The following XPR1 variants were observed in gnomAD, a reference collection of about 807,000 sequenced individuals.
XPR1 encodes the protein solute carrier family 53 member 1.
In XPR1, 28 loss-of-function variants were observed where a neutral mutation model predicts 87.5. That is an observed-to-expected ratio of 0.32 (90% confidence interval 0.24 to 0.44). The LOEUF (loss-of-function observed/expected upper bound fraction) is 0.44, where lower values mean the gene tolerates loss of function less well. XPR1 is among the 20% of genes least tolerant of loss of function. The pLI, the probability that XPR1 is intolerant of heterozygous loss-of-function variation, is 1.00. For synonymous variants in XPR1, 300 were observed against 306.1 expected (o/e 0.98, Z 0.21); for missense variants, 559 against 862.3 (o/e 0.65, Z 4.41).
At position 180,780,767 on chromosome 1, in the gene XPR1, CA is replaced by C. The variant is rs756960289; in HGVS notation, c.122-6971del. Among the ~76,000 whole-genome samples the C allele has an allele frequency of 3.9e-3, 410 of 105,958 alleles. 1 individual carries two copies. Among genetic ancestry groups the C allele is most frequent in the Middle Eastern group, 5.6e-3 (1 of 180 alleles). 69.5% of individuals were successfully genotyped at this position (105,958 alleles called of 152,430 possible). ...TGGGCAACAGAGCAAGACTCTGTCTCAAAAAAAAAAAAAAAGAGATGCAAGA... is the reference window on the plus strand; with the variant it reads ...TGGGCAACAGAGCAAGACTCTGTCTCAAAAAAAAAAAAAAGAGATGCAAGA... On this transcript the variant is annotated intron_variant, in intron 2 of 14. Transcript: ENST00000367590.
chr1:180,644,713 G>C (rs1655057216), intron 1 of XPR1, among the ~76,000 whole-genome samples: 1 of 152,042 alleles, frequency 6.6e-6, no homozygotes, highest in African/African-American at 2.4e-5. Context: ...CCAGGGACCG[G>C]TTTTGTGGAA....
chr1:180,644,525 A>G (rs1362040366), intron 1 of XPR1, among the ~76,000 whole-genome samples: 1 of 151,756 alleles, frequency 6.6e-6, no homozygotes, highest in Non-Finnish European at 1.5e-5. Flanking sequence ...TTGGATTCCA[A>G]CAGACTAATT....
chr1:180,672,887 CA>C (rs1406620578), intron 1 of XPR1, among the ~76,000 whole-genome samples: 6 of 152,116 alleles, frequency 3.9e-5, no homozygotes, highest in African/African-American at 1.4e-4. Flanking sequence ...ACATTATTAA[CA>C]GGGGTTATGA....
chr1:180,719,018 T>G (rs1464456315), intron 2 of XPR1, among the ~76,000 whole-genome samples: 2 of 152,220 alleles, frequency 1.3e-5, no homozygotes, highest in African/African-American at 4.8e-5. Flanking sequence ...CAGCAAAGTT[T>G]GTGAATTAGA....
intron 1 of XPR1, among the ~76,000 whole-genome samples, chr1:180,675,788 T>G (rs147440962): frequency 3.3e-5 from 5 of 152,316 alleles, no homozygotes; most frequent in African/African-American, 1.2e-4. Context: ...TCTGGGTGAC[T>G]CATAGACAAA....
intron 6 of XPR1, among the ~76,000 whole-genome samples, chr1:180,809,125 AAATT>A (rs1382044893): frequency 1.3e-5 from 2 of 152,190 alleles, no homozygotes; most frequent in Non-Finnish European, 1.5e-5. Flanking sequence ...GATAAACCTC[AAATT>A]AATTATGTGG....
intron 11 of XPR1, among the ~76,000 whole-genome samples, chr1:180,841,308 A>G (rs1352244622): frequency 1.3e-5 from 2 of 151,982 alleles, no homozygotes; most frequent in Non-Finnish European, 1.5e-5. Context: ...TGCCTTGCTC[A>G]AGGACATGTA....
In XPR1 at chr1:180,873,865, C is replaced by T. The variant is rs775680476; in HGVS notation, c.1731C>T (p.Ile577=). ...TGCGCTTTGCTTGGACTATCCAAAT[C>T]TCGATTACCTCTACAACTTTGTTGC... ...VILRFAWTIQ[I]SITSTTLLPH... The change falls in exon 13 of 15, where the codon ATC becomes ATT. Residue 577 remains isoleucine, a synonymous_variant. Transcript: ENST00000367590. 66 of 1,614,050 alleles carry T rather than the reference C, an allele frequency of 4.1e-5. No homozygotes were observed. The highest frequency in any genetic ancestry group is 5.4e-5 in the Non-Finnish European group (64 of 1,180,014).
At chr1:180,756,090 T>G (rs1283871747) in intron 2 of XPR1, among the ~76,000 whole-genome samples, 2 of 152,248 alleles carry the variant, frequency 1.3e-5, no homozygotes, top group Non-Finnish European at 2.9e-5. Context: ...GTCTGTCATG[T>G]GCCATCTGAT....
At chr1:180,668,555 C>T (rs752298683) in intron 1 of XPR1, among the ~76,000 whole-genome samples, 2 of 152,146 alleles carry the variant, frequency 1.3e-5, no homozygotes, top group Non-Finnish European at 2.9e-5. Context: ...TATAAATTTG[C>T]CCCTAACACT....
At chr1:180,811,077 T>C (rs1029066390) in intron 6 of XPR1, among the ~76,000 whole-genome samples, 15 of 152,164 alleles carry the variant, frequency 9.9e-5, no homozygotes, top group African/African-American at 3.6e-4. Context: ...TGTTTTGTTA[T>C]TTTTTACTGG....
intron 2 of XPR1, among the ~76,000 whole-genome samples, chr1:180,752,523 C>T (rs1054075347): frequency 6.6e-6 from 1 of 151,916 alleles, no homozygotes; most frequent in Non-Finnish European, 1.5e-5. Flanking sequence ...TATGAAACTT[C>T]CCTGATTTTT....
intron 3 of XPR1, among the ~76,000 whole-genome samples, chr1:180,789,364 TAC>T (rs1649294868): frequency 6.6e-6 from 1 of 152,146 alleles, no homozygotes; most frequent in South Asian, 2.1e-4. Context: ...TTTAGCCCCA[TAC>T]ACACATAGCC....
intron 1 of XPR1, among the ~76,000 whole-genome samples, chr1:180,645,896 C>T (rs1241992413): frequency 2.0e-5 from 3 of 152,158 alleles, no homozygotes; most frequent in Non-Finnish European, 4.4e-5. Flanking sequence ...CTGCTCTGTC[C>T]ATGCATATAC....
chr1:180,698,643 T>C (rs1300467156), intron 2 of XPR1, among the ~76,000 whole-genome samples: 1 of 152,222 alleles, frequency 6.6e-6, no homozygotes, highest in African/African-American at 2.4e-5. Context: ...GTAGATATTA[T>C]TCTTTAGCTT....
chr1:180,742,219 C>A (rs528385661), intron 2 of XPR1, among the ~76,000 whole-genome samples: 5 of 151,938 alleles, frequency 3.3e-5, no homozygotes, highest in East Asian at 3.9e-4. Flanking sequence ...TTTCTATTTT[C>A]TTAAAGTGGA....
At chr1:180,716,221 AG>A (rs759039401) in intron 2 of XPR1, among the ~76,000 whole-genome samples, 9 of 151,426 alleles carry the variant, frequency 5.9e-5, no homozygotes, top group Non-Finnish European at 1.2e-4. Flanking sequence ...ACTGGGCACA[AG>A]TGATACAAGT....
Position 180,814,381 on chromosome 1 carries a change from A to C in XPR1, c.763+2893A>C, listed in dbSNP as rs372624619. 1.1e-4 allele frequency among the ~76,000 whole-genome samples: 16 copies of C among 152,312 alleles called. No homozygotes were observed. The East Asian group carries it at 2.5e-3, about 24-fold the overall frequency. Reference sequence around the variant, plus strand: ...ACAGTTTACTTACATAGAATACATGAAAATAATACAATTTAAAAACTCAGA... The same window carrying C: ...ACAGTTTACTTACATAGAATACATGCAAATAATACAATTTAAAAACTCAGA... On this transcript the variant is annotated intron_variant, in intron 7 of 14. Transcript: ENST00000367590.
rs114508118 is a variant in XPR1 at position 180,632,343 on chromosome 1, C to T, written c.69+73C>T. On this transcript the variant is annotated intron_variant, in intron 1 of 14. Coordinates refer to ENST00000367590, the MANE Select transcript of XPR1 (RefSeq NM_004736.4). ...CGCCAGTCCTGACGTCCACCGCCGC[C>T]TTCCGCTTCAGCTGGCTCCCTGTGC... The T allele has an allele frequency of 7.8e-4, 1,196 of 1,539,734 alleles. 12 individuals are homozygous for T. The African/African-American group carries it at 0.013, about 17-fold the overall frequency.
Sources: gnomAD v4.1 joint callset for allele counts (sites outside exome capture counted in the v4.1 genomes callset) on GRCh38, gnomAD v4.1.1 for gene constraint, MANE v1.5 for transcripts, NCBI Gene and HGNC (gene_info 2026-07-23, HGNC 2026-07-21) for gene names.